PIR: variants seen among roughly 807,000 people sequenced by gnomAD.
PIR encodes the protein pirin.
A neutral mutation model predicts 24.2 loss-of-function variants in PIR; 22 were observed. That is an observed-to-expected ratio of 0.91 (90% CI 0.65 to 1.30). PIR has a LOEUF of 1.30. Ranked by LOEUF, PIR falls within the 50% of genes most tolerant of loss-of-function variation. The probability of loss-of-function intolerance (pLI) is 0.00; values close to 1 mark genes in which losing one functional copy is unlikely to be tolerated. For missense variants in PIR, 220 were observed against 220.3 expected, an observed-to-expected ratio of 1.00 and a Z score of 0.01; for synonymous variants, 80 against 79.6, an observed-to-expected ratio of 1.00 and a Z score of -0.03.
Position 15,490,095 on chromosome X carries a change from T to C in PIR, c.96+1067A>G, listed in dbSNP as rs1923074802. Among the ~76,000 whole-genome samples, 4 of 111,748 alleles carry C rather than the reference T, an allele frequency of 3.6e-5. No individual in the cohort carries two copies. In the South Asian group the frequency reaches 1.5e-3, roughly 42 times the overall value. On this transcript the variant is annotated intron_variant, in intron 2 of 9. Coordinates refer to ENST00000380420, the MANE Select transcript of PIR (RefSeq NM_001018109.3). Reference sequence around the variant, plus strand: ...ATCACAAAAAAATAAGTATGTGAGGTAATGAATATGTTAATTAGCTTGATT... The same window carrying C: ...ATCACAAAAAAATAAGTATGTGAGGCAATGAATATGTTAATTAGCTTGATT...
chrX:15,443,806 A>T (rs1165793329), intron 5 of PIR, among the ~76,000 whole-genome samples: 1 of 111,817 alleles, frequency 8.9e-6, no homozygotes, highest in Non-Finnish European at 1.9e-5. Flanking sequence ...CAGCGGAGGA[A>T]GTCACTGCAA....
intron 9 of PIR, among the ~76,000 whole-genome samples, chrX:15,388,023 C>A (rs899990126): frequency 7.1e-5 from 8 of 111,892 alleles, no homozygotes; most frequent in African/African-American, 2.6e-4. Flanking sequence ...TCCCCTAAAG[C>A]TAACTGATGA....
intron 3 of PIR, among the ~76,000 whole-genome samples, chrX:15,462,514 T>A (rs1324490541): frequency 8.9e-6 from 1 of 112,432 alleles, no homozygotes; most frequent in East Asian, 2.8e-4. Context: ...TTTATGAATT[T>A]CTCAGCATAT....
At chrX:15,480,185 G>C (rs200520114) in intron 2 of PIR, among the ~76,000 whole-genome samples, 1 of 74,799 alleles carries the variant, frequency 1.3e-5, no homozygotes, top group Non-Finnish European at 2.6e-5. Context: ...CTTTTTTTTT[G>C]CCTGCTGCCA....
chrX:15,487,154 C>T (rs1344782613), intron 2 of PIR, among the ~76,000 whole-genome samples: 1 of 111,988 alleles, frequency 8.9e-6, no homozygotes, highest in Non-Finnish European at 1.9e-5. Flanking sequence ...GATCTAGATA[C>T]AGCCTTGAAT....
At chrX:15,426,482 C>T (rs1488167979) in intron 5 of PIR, among the ~76,000 whole-genome samples, 3 of 112,003 alleles carry the variant, frequency 2.7e-5, no homozygotes, top group African/African-American at 9.7e-5. Flanking sequence ...CTTGAAAAAG[C>T]CACAACTCCA....
chrX:15,453,064 C>T (rs1159298751), intron 5 of PIR, among the ~76,000 whole-genome samples: 1 of 111,677 alleles, frequency 9.0e-6, no homozygotes, highest in Non-Finnish European at 1.9e-5. Flanking sequence ...AAGACCCAGT[C>T]ATTCCTTGTT....
chrX:15,424,470 A>C (rs953473780), intron 6 of PIR, among the ~76,000 whole-genome samples: 17 of 112,053 alleles, frequency 1.5e-4, no homozygotes, highest in African/African-American at 5.5e-4. Context: ...AGAAGAAATA[A>C]GATCTGGTGT....
chrX:15,473,311 G>A lies in PIR; in HGVS notation c.189+6418C>T, dbSNP rs1189725989. Among the ~76,000 whole-genome samples, 5 of 111,151 alleles carry A rather than the reference G, an allele frequency of 4.5e-5. No homozygotes were observed. The Admixed American group carries it at 4.8e-4, about 11-fold the overall frequency. On this transcript the variant is annotated intron_variant, in intron 3 of 9. Coordinates refer to ENST00000380420, the MANE Select transcript of PIR (RefSeq NM_001018109.3). ...GGCCAAGGACGTTGCTAAACATCCTGCAATGCGTGGAACAGCCCCCCCATA... is the reference window on the plus strand; with the variant it reads ...GGCCAAGGACGTTGCTAAACATCCTACAATGCGTGGAACAGCCCCCCCATA...
intron 6 of PIR, chrX:15,407,764 C>T (rs1489702697): frequency 2.5e-6 from 1 of 400,162 alleles, no homozygotes; most frequent in Non-Finnish European, 4.4e-6. Flanking sequence ...ACCCCTAAAC[C>T]TAAATGACTT....
chrX:15,423,175 T>A (rs1925193210), intron 6 of PIR, among the ~76,000 whole-genome samples: 2 of 112,107 alleles, frequency 1.8e-5, no homozygotes, highest in Non-Finnish European at 3.8e-5. Context: ...ATGAAACTAC[T>A]ACAAGTAAAC....
chrX:15,387,431 A>C (rs1923810912), intron 9 of PIR, among the ~76,000 whole-genome samples: 1 of 110,412 alleles, frequency 9.1e-6, no homozygotes, highest in African/African-American at 3.3e-5. Context: ...AGTACTAGAG[A>C]CAATAAAGTG....
intron 7 of PIR, among the ~76,000 whole-genome samples, chrX:15,403,036 G>A (rs1450325197): frequency 9.0e-6 from 1 of 111,478 alleles, no homozygotes; most frequent in Non-Finnish European, 1.9e-5. Flanking sequence ...AGGGAGGAGC[G>A]GATCATCCTG....
chrX:15,398,841 A>C (rs994306565), intron 7 of PIR, among the ~76,000 whole-genome samples: 10 of 110,822 alleles, frequency 9.0e-5, no homozygotes, highest in African/African-American at 3.3e-4. Flanking sequence ...AATGAATTAC[A>C]CTCTGAATTG....
At chrX:15,442,174 T>G (rs761700964) in intron 5 of PIR, among the ~76,000 whole-genome samples, 9 of 111,153 alleles carry the variant, frequency 8.1e-5, no homozygotes, top group Admixed American at 6.7e-4. Flanking sequence ...CATCTCAATG[T>G]CACATTTTGG....
intron 7 of PIR, among the ~76,000 whole-genome samples, chrX:15,401,560 C>A (rs777039474): frequency 1.2e-4 from 13 of 111,500 alleles, no homozygotes; most frequent in Admixed American, 1.9e-4. Context: ...AAATAAGTCT[C>A]AAAAAATATA....
At chrX:15,422,897 T>C (rs748690645) in intron 6 of PIR, among the ~76,000 whole-genome samples, 1 of 111,851 alleles carries the variant, frequency 8.9e-6, no homozygotes, top group Admixed American at 9.5e-5. Flanking sequence ...GCTGGAGGCA[T>C]CACACTGCCT....
intron 7 of PIR, among the ~76,000 whole-genome samples, chrX:15,402,595 T>C (rs1286846651): frequency 1.8e-5 from 2 of 111,663 alleles, no homozygotes; most frequent in African/African-American, 6.5e-5. Context: ...GTCACCATGT[T>C]GTAAAATAGT....
intron 2 of PIR, among the ~76,000 whole-genome samples, chrX:15,490,663 T>G (rs929257884): frequency 9.6e-6 from 1 of 103,964 alleles, no homozygotes; most frequent in Admixed American, 9.8e-5. Context: ...ACCAGACGTC[T>G]ACAGAGTTGG....
Sources: gnomAD v4.1 joint callset for allele counts (sites outside exome capture counted in the v4.1 genomes callset) on GRCh38, gnomAD v4.1.1 for gene constraint, MANE v1.5 for transcripts, NCBI Gene and HGNC (gene_info 2026-07-23, HGNC 2026-07-21) for gene names.